PEBP4: variants seen among roughly 807,000 people sequenced by gnomAD.
The protein encoded by PEBP4 is phosphatidylethanolamine-binding protein 4.
PEBP4 carries 22 observed loss-of-function variants against 23.9 expected under a neutral mutation model. That is an observed-to-expected ratio of 0.92 (90% confidence interval 0.66 to 1.31). The LOEUF (loss-of-function observed/expected upper bound fraction) is 1.31. Among genes scored for constraint, PEBP4 ranks in the 40% most tolerant of loss-of-function variants. The pLI, the probability that PEBP4 is intolerant of heterozygous loss-of-function variation, is 0.00. For synonymous variants in PEBP4, 112 were observed against 99.3 expected, an observed-to-expected ratio of 1.13 and a Z score of -0.76; for missense variants, 324 against 281.7, an observed-to-expected ratio of 1.15 and a Z score of -1.07.
At chr8:22,821,085 C>T (rs1304873658) in intron 3 of PEBP4, among the ~76,000 whole-genome samples, 2 of 151,932 alleles carry the variant, frequency 1.3e-5, no homozygotes, top group Admixed American at 1.3e-4. Context: ...TCCAGCTACT[C>T]GGGAGGCTGA....
At chr8:22,868,807 G>T (rs1328079497) in intron 3 of PEBP4, among the ~76,000 whole-genome samples, 1 of 152,068 alleles carries the variant, frequency 6.6e-6, no homozygotes, top group East Asian at 1.9e-4. Flanking sequence ...CTCCTACCTG[G>T]ATTATCACAC....
chr8:22,814,147 G>A (rs1324493626), intron 4 of PEBP4, among the ~76,000 whole-genome samples: 1 of 152,114 alleles, frequency 6.6e-6, no homozygotes, highest in African/African-American at 2.4e-5. Context: ...TGTGAAGTAG[G>A]CACACTACTA....
At chr8:22,877,084 T>G (rs549452150) in intron 3 of PEBP4, among the ~76,000 whole-genome samples, 65 of 152,342 alleles carry the variant, frequency 4.3e-4, no homozygotes, top group African/African-American at 1.6e-3. Flanking sequence ...TCCACCCTTA[T>G]AAACATATCA....
intron 1 of PEBP4, among the ~76,000 whole-genome samples, chr8:22,936,579 G>A (rs554513914): frequency 1.3e-5 from 2 of 152,278 alleles, no homozygotes; most frequent in African/African-American, 4.8e-5. Flanking sequence ...ACATTGGAGA[G>A]AATACTCCCT....
At chr8:22,805,798 A>G (rs1331881171) in intron 4 of PEBP4, among the ~76,000 whole-genome samples, 1 of 152,154 alleles carries the variant, frequency 6.6e-6, no homozygotes, top group Admixed American at 6.5e-5. Flanking sequence ...TTTTTTTTAA[A>G]AAAAAGGGAT....
intron 4 of PEBP4, among the ~76,000 whole-genome samples, chr8:22,802,465 C>T (rs1375244082): frequency 2.6e-5 from 4 of 152,238 alleles, no homozygotes; most frequent in Non-Finnish European, 5.9e-5. Context: ...GAGAGCTGTT[C>T]GGGCCTCGCC....
chr8:22,779,490 G>C (rs1416618951), intron 4 of PEBP4, among the ~76,000 whole-genome samples: 1 of 152,058 alleles, frequency 6.6e-6, no homozygotes, highest in East Asian at 1.9e-4. Flanking sequence ...AGAGCATCTG[G>C]GTCCCAGGTC....
intron 4 of PEBP4, among the ~76,000 whole-genome samples, chr8:22,745,356 A>G (rs1380013702): frequency 6.6e-6 from 1 of 152,100 alleles, no homozygotes; most frequent in Non-Finnish European, 1.5e-5. Flanking sequence ...TGGGGGAGTG[A>G]GCCCTGCAGG....
chr8:22,868,784 C>T (rs1807953820), intron 3 of PEBP4, among the ~76,000 whole-genome samples: 1 of 152,192 alleles, frequency 6.6e-6, no homozygotes, highest in African/African-American at 2.4e-5. Flanking sequence ...ACCGACTTCA[C>T]CTCCTCTGTC....
chr8:22,765,446 G>C (rs1323286006), intron 4 of PEBP4, among the ~76,000 whole-genome samples: 1 of 152,154 alleles, frequency 6.6e-6, no homozygotes, highest in African/African-American at 2.4e-5. Context: ...ACCCAGCCCA[G>C]GTCCTCAGTT....
At chr8:22,832,039 G>T (rs1008425960) in intron 3 of PEBP4, among the ~76,000 whole-genome samples, 1 of 152,152 alleles carries the variant, frequency 6.6e-6, no homozygotes, top group Non-Finnish European at 1.5e-5. Flanking sequence ...GTGATGTGGT[G>T]GGGGTGGATA....
intron 3 of PEBP4, among the ~76,000 whole-genome samples, chr8:22,906,336 G>A (rs1336254971): frequency 2.0e-5 from 3 of 152,118 alleles, no homozygotes; most frequent in Non-Finnish European, 4.4e-5. Context: ...AGGCTGCTTG[G>A]CCAGTTTGCC....
chr8:22,726,034 C>T (rs117251891), intron 5 of PEBP4, among the ~76,000 whole-genome samples: 71 of 98,064 alleles, frequency 7.2e-4, no homozygotes, highest in Non-Finnish European at 1.3e-3. Flanking sequence ...TGTGTGTGCA[C>T]GCGCATGTGC....
At chr8:22,794,607 T>C (rs188245672) in intron 4 of PEBP4, among the ~76,000 whole-genome samples, 1 of 152,334 alleles carries the variant, frequency 6.6e-6, no homozygotes, top group Admixed American at 6.5e-5. Context: ...ATTATCTTAC[T>C]GATTTGTAAG....
At chr8:22,722,558 G>T (rs764494483) in intron 6 of PEBP4, among the ~76,000 whole-genome samples, 7 of 152,218 alleles carry the variant, frequency 4.6e-5, no homozygotes, top group Admixed American at 3.3e-4. Flanking sequence ...TGTCCTTACA[G>T]TTAGAATCAC....
chr8:22,931,979 G>A (rs187713580), upstream of PEBP4, among the ~76,000 whole-genome samples: 1 of 152,278 alleles, frequency 6.6e-6, no homozygotes, highest in East Asian at 1.9e-4. Flanking sequence ...TGCAGCTGTT[G>A]GATGCAACTT....
intron 3 of PEBP4, among the ~76,000 whole-genome samples, chr8:22,835,140 G>A (rs183300693): frequency 2.0e-5 from 3 of 152,310 alleles, no homozygotes; most frequent in East Asian, 1.9e-4. Flanking sequence ...CATATAGGCT[G>A]TGGCTTAGGG....
intron 3 of PEBP4, among the ~76,000 whole-genome samples, chr8:22,875,632 C>T (rs1423710265): frequency 1.3e-5 from 2 of 152,136 alleles, no homozygotes; most frequent in East Asian, 1.9e-4. Context: ...TGACTTAGTC[C>T]CCTGTCGTCT....
At chr8:22,728,844 C>A (rs748897394) in intron 4 of PEBP4, among the ~76,000 whole-genome samples, 1 of 152,124 alleles carries the variant, frequency 6.6e-6, no homozygotes, top group South Asian at 2.1e-4. Context: ...GTGATCCACC[C>A]GCCTCAGGCT....
Sources: allele counts gnomAD v4.1 joint callset (sites outside exome capture counted in the v4.1 genomes callset), GRCh38; gene constraint gnomAD v4.1.1; transcripts MANE v1.5; gene names NCBI Gene and HGNC (gene_info 2026-07-23, HGNC 2026-07-21).